PDE12: variants seen among roughly 807,000 people sequenced by gnomAD.
PDE12 encodes 2',5'-phosphodiesterase 12.
In PDE12, 26 loss-of-function variants were observed where a neutral mutation model predicts 45.4. The observed-to-expected ratio is 0.57, with a 90% CI of 0.42 to 0.79. The LOEUF is 0.79. Ranked by LOEUF, PDE12 falls within the 30% of genes least tolerant of loss-of-function variation. The pLI is 0.00. For missense variants in PDE12, 668 were observed against 790.0 expected, an observed-to-expected ratio of 0.85 and a Z score of 1.85; for synonymous variants, 283 against 323.9, an observed-to-expected ratio of 0.87 and a Z score of 1.36.
chr3:57,625,106 G>A, the PDE12 span, among the ~76,000 whole-genome samples: 3 of 152,066 alleles, frequency 2.0e-5, no homozygotes, highest in African/African-American at 7.2e-5. Context: ...GTCTCACTTT[G>A]TTTGCCTAGG....
At chr3:57,629,488 T>TA in the PDE12 span, among the ~76,000 whole-genome samples, 106 of 123,928 alleles carry the variant, frequency 8.6e-4, no homozygotes, top group South Asian at 1.8e-3. Context: ...ATACAGAACA[T>TA]AAAAAAAAAA....
At chr3:57,575,763 T>C in the PDE12 span, 1 of 1,348,310 alleles carries the variant, frequency 7.4e-7, no homozygotes, top group African/African-American at 1.5e-5. Context: ...CAGCATTAAA[T>C]ACATTATTAA....
chr3:57,584,610 A>G, the PDE12 span: 2,145 of 689,738 alleles, frequency 3.1e-3, 26 homozygotes, highest in African/African-American at 0.035. Flanking sequence ...CTTATTTCTG[A>G]TTCCCAAAGG....
chr3:57,644,152 A>C, the PDE12 span, among the ~76,000 whole-genome samples: 1 of 151,390 alleles, frequency 6.6e-6, no homozygotes, highest in Non-Finnish European at 1.5e-5. Context: ...TCCATCTCAA[A>C]AAAAAAAAAA....
the PDE12 span, among the ~76,000 whole-genome samples, chr3:57,621,496 C>A: frequency 4.6e-5 from 7 of 151,814 alleles, no homozygotes; most frequent in Admixed American, 3.9e-4. Context: ...ATGGTGAAAC[C>A]CCATCTCTTC....
the PDE12 span, among the ~76,000 whole-genome samples, chr3:57,601,438 T>G: frequency 6.6e-6 from 1 of 152,102 alleles, no homozygotes; most frequent in Non-Finnish European, 1.5e-5. Flanking sequence ...GAGATCTTTT[T>G]AGTCACAAAT....
At chr3:57,598,429 C>G in the PDE12 span, among the ~76,000 whole-genome samples, 1 of 152,170 alleles carries the variant, frequency 6.6e-6, no homozygotes, top group African/African-American at 2.4e-5. Context: ...CTTGGTAGCA[C>G]TACCTTATCT....
the PDE12 span, among the ~76,000 whole-genome samples, chr3:57,607,341 C>G: frequency 2.6e-5 from 4 of 152,254 alleles, no homozygotes; most frequent in East Asian, 1.9e-4. Context: ...CGCGTCTCCC[C>G]CTCCGAAGGA....
At chr3:57,615,969 T>C in the PDE12 span, among the ~76,000 whole-genome samples, 42 of 152,126 alleles carry the variant, frequency 2.8e-4, no homozygotes, top group Non-Finnish European at 5.6e-4. Context: ...TTCATGTCCA[T>C]AAATTTGACA....
the PDE12 span, chr3:57,596,815 A>G: frequency 3.9e-5 from 18 of 464,714 alleles, no homozygotes; most frequent in Non-Finnish European, 6.7e-5. Context: ...GCTTTCAATA[A>G]GATCAAGGAG....
chr3:57,641,545 G>C, the PDE12 span: 5 of 839,962 alleles, frequency 6.0e-6, no homozygotes, highest in South Asian at 1.2e-4. Flanking sequence ...TTCTCCAAAG[G>C]CCTTGAAGAA....
At chr3:57,622,307 A>G in the PDE12 span, among the ~76,000 whole-genome samples, 5 of 152,248 alleles carry the variant, frequency 3.3e-5, no homozygotes, top group Non-Finnish European at 7.3e-5. Flanking sequence ...GAGAAGGCTA[A>G]TAAGCACATG....
At chr3:57,643,298 T>A in the PDE12 span, among the ~76,000 whole-genome samples, 4 of 152,024 alleles carry the variant, frequency 2.6e-5, no homozygotes, top group African/African-American at 7.3e-5. Flanking sequence ...AGAAGAGGTA[T>A]GAGATTAGGG....
At chr3:57,632,934 G>A in the PDE12 span, among the ~76,000 whole-genome samples, 1 of 152,118 alleles carries the variant, frequency 6.6e-6, no homozygotes, top group Non-Finnish European at 1.5e-5. Context: ...TTCTTTTAAG[G>A]TGAAAAATGT....
the PDE12 span, chr3:57,654,889 C>T: frequency 3.4e-5 from 24 of 712,780 alleles, no homozygotes; most frequent in South Asian, 6.3e-5. Context: ...CACTAATAAA[C>T]GTGAAATGTA....
At chr3:57,604,368 T>C in the PDE12 span, among the ~76,000 whole-genome samples, 1 of 152,152 alleles carries the variant, frequency 6.6e-6, no homozygotes, top group Non-Finnish European at 1.5e-5. Context: ...TGGTGGTTGA[T>C]AGTGTTAACA....
chr3:57,586,209 C>G, the PDE12 span, among the ~76,000 whole-genome samples: 1 of 152,196 alleles, frequency 6.6e-6, no homozygotes, highest in Non-Finnish European at 1.5e-5. Context: ...CTTAGGATAT[C>G]ATATCTGGCC....
the PDE12 span, among the ~76,000 whole-genome samples, chr3:57,582,755 A>G: frequency 1.3e-5 from 2 of 151,470 alleles, no homozygotes; most frequent in African/African-American, 4.9e-5. Flanking sequence ...AAAAAAAATT[A>G]TTAAGTAATA....
Position 57,562,658 on chromosome 3 carries a change from A to G in PDE12, c.*2654A>G, listed in dbSNP as rs2069739525. The stretch of plus-strand genomic sequence containing the variant: ...TTATAATGTCACAAGTTCTTGCTAT[A>G]GGAATTAACATTCTAGAATTTTATA... On this transcript the variant is annotated 3_prime_UTR_variant, in exon 3 of 3. Transcript: ENST00000311180. 6.6e-6 allele frequency: 1 copy of G among 152,242 alleles called. No homozygotes were observed. The highest frequency in any genetic ancestry group is 6.5e-5 in the Admixed American group (1 of 15,280). The allele number at this position is 152,242 out of a possible 1,614,324, so 9.4% of individuals were successfully genotyped here. A position where few individuals can be genotyped will look rare whatever the true frequency, so the allele number is the denominator to read the frequency against.
Sources: allele counts gnomAD v4.1 joint callset (sites outside exome capture counted in the v4.1 genomes callset), GRCh38; gene constraint gnomAD v4.1.1; transcripts MANE v1.5; gene names NCBI Gene and HGNC (gene_info 2026-07-23, HGNC 2026-07-21).